DLG2: variants seen among roughly 807,000 people sequenced by gnomAD.
The protein encoded by DLG2 is discs large MAGUK scaffold protein 2.
In DLG2, 45 loss-of-function variants were observed where a neutral mutation model predicts 132.5. The ratio of observed to expected loss-of-function variants is 0.34; its 90% CI spans 0.27 to 0.44. The LOEUF is 0.44. Among genes scored for constraint, DLG2 ranks in the 20% least tolerant of loss-of-function variants. The pLI, the probability that DLG2 is intolerant of heterozygous loss-of-function variation, is 1.00. For synonymous variants in DLG2, 424 were observed against 419.6 expected, an observed-to-expected ratio of 1.01 and a Z score of -0.13; for missense variants, 1,045 against 1,196.9, an observed-to-expected ratio of 0.87 and a Z score of 1.87.
chr11:84,058,355 A>G (rs916689682), intron 11 of DLG2, among the ~76,000 whole-genome samples: 1 of 151,846 alleles, frequency 6.6e-6, no homozygotes, highest in South Asian at 2.1e-4. Flanking sequence ...TCAAAGCATT[A>G]TTCTTAAAAA....
At chr11:85,276,045 T>C (rs568922006) in intron 4 of DLG2, among the ~76,000 whole-genome samples, 2 of 152,158 alleles carry the variant, frequency 1.3e-5, no homozygotes, top group Non-Finnish European at 2.9e-5. Context: ...TTAGACCCAC[T>C]CCAGTGCTAT....
At chr11:85,409,555 A>G (rs769366914) in intron 3 of DLG2, among the ~76,000 whole-genome samples, 3 of 151,932 alleles carry the variant, frequency 2.0e-5, no homozygotes, top group African/African-American at 4.8e-5. Flanking sequence ...AAGGAGTTCA[A>G]TGGATCTTGG....
At chr11:84,369,820 A>C (rs935781760) in intron 7 of DLG2, among the ~76,000 whole-genome samples, 3 of 152,194 alleles carry the variant, frequency 2.0e-5, no homozygotes, top group African/African-American at 7.2e-5. Flanking sequence ...GATATGAAAT[A>C]TGTATTGAGT....
intron 3 of DLG2, among the ~76,000 whole-genome samples, chr11:85,521,230 C>T (rs1001822033): frequency 7.9e-5 from 12 of 152,176 alleles, no homozygotes; most frequent in African/African-American, 2.9e-4. Flanking sequence ...ATGATTCCCC[C>T]ATGCTGTTCT....
At chr11:84,233,782 C>T (rs907786083) in intron 8 of DLG2, among the ~76,000 whole-genome samples, 1 of 152,328 alleles carries the variant, frequency 6.6e-6, no homozygotes, top group African/African-American at 2.4e-5. Flanking sequence ...GAGCTATTCT[C>T]TTTCTTTCGC....
chr11:84,225,325 G>A (rs1308286847), intron 8 of DLG2, among the ~76,000 whole-genome samples: 1 of 152,130 alleles, frequency 6.6e-6, no homozygotes, highest in African/African-American at 2.4e-5. Flanking sequence ...CACACATACT[G>A]TACAACAGAG....
chr11:84,231,644 T>C (rs1277407404), intron 8 of DLG2, among the ~76,000 whole-genome samples: 1 of 152,086 alleles, frequency 6.6e-6, no homozygotes, highest in Non-Finnish European at 1.5e-5. Flanking sequence ...TGGAGGAAGA[T>C]AAGGCACCAG....
At chr11:85,050,033 A>C (rs2062744295) in intron 6 of DLG2, among the ~76,000 whole-genome samples, 1 of 151,654 alleles carries the variant, frequency 6.6e-6, no homozygotes, top group African/African-American at 2.4e-5. Flanking sequence ...CTAGATGTCC[A>C]GTCTTTCCAA....
intron 4 of DLG2, among the ~76,000 whole-genome samples, chr11:85,158,451 G>A (rs565067350): frequency 6.6e-6 from 1 of 152,256 alleles, no homozygotes; most frequent in Admixed American, 6.5e-5. Flanking sequence ...AGATTGGGAT[G>A]GTGGAGTGGA....
chr11:83,922,771 G>A (rs1250864496), intron 15 of DLG2, among the ~76,000 whole-genome samples: 1 of 152,058 alleles, frequency 6.6e-6, no homozygotes, highest in Admixed American at 6.6e-5. Flanking sequence ...CTTGGGTACA[G>A]CCCAGATTCC....
chr11:83,560,846 T>TC (rs369297759), intron 19 of DLG2, among the ~76,000 whole-genome samples: 4 of 151,898 alleles, frequency 2.6e-5, no homozygotes, highest in Admixed American at 6.6e-5. Flanking sequence ...TAAATCATTT[T>TC]CCCCCTGTGT....
At chr11:84,524,390 G>A (rs769527052) in intron 7 of DLG2, among the ~76,000 whole-genome samples, 2 of 152,180 alleles carry the variant, frequency 1.3e-5, no homozygotes, top group African/African-American at 2.4e-5. Flanking sequence ...AAAGATAATT[G>A]AGGAAAGGAA....
intron 18 of DLG2, chr11:83,692,782 A>C (rs1215509660): frequency 6.6e-6 from 1 of 152,222 alleles, no homozygotes; most frequent in East Asian, 1.9e-4. Flanking sequence ...CCTAGAGCAC[A>C]AAACTAGACT....
chr11:85,171,344 G>T (rs1472641680), intron 4 of DLG2, among the ~76,000 whole-genome samples: 1 of 152,148 alleles, frequency 6.6e-6, no homozygotes, highest in Admixed American at 6.5e-5. Flanking sequence ...GGGAGGTGGT[G>T]AGTGATTATG....
chr11:84,685,687 T>C (rs888410622), intron 6 of DLG2, among the ~76,000 whole-genome samples: 2 of 151,964 alleles, frequency 1.3e-5, no homozygotes, highest in African/African-American at 4.8e-5. Context: ...TTCAAAGTAA[T>C]ATTTTGCTCT....
At chr11:84,268,070 G>A (rs1361348132) in intron 7 of DLG2, among the ~76,000 whole-genome samples, 1 of 152,200 alleles carries the variant, frequency 6.6e-6, no homozygotes, top group African/African-American at 2.4e-5. Context: ...ACAAGTTGGA[G>A]AAAGTTAGTA....
intron 6 of DLG2, among the ~76,000 whole-genome samples, chr11:84,742,947 T>C (rs2064877260): frequency 6.6e-6 from 1 of 152,180 alleles, no homozygotes; most frequent in African/African-American, 2.4e-5. Context: ...AGTTTTTACC[T>C]ATTATGAATA....
chr11:84,117,587 C>T (rs1357383487), intron 9 of DLG2, among the ~76,000 whole-genome samples: 1 of 152,116 alleles, frequency 6.6e-6, no homozygotes, highest in Non-Finnish European at 1.5e-5. Context: ...CTCTGTGAGG[C>T]TTGTGTGACT....
At chr11:84,690,465 A>G (rs1025478097) in intron 6 of DLG2, among the ~76,000 whole-genome samples, 23 of 151,782 alleles carry the variant, frequency 1.5e-4, no homozygotes, top group African/African-American at 5.6e-4. Flanking sequence ...AAAAAAAAAG[A>G]AAAAGAAAAG....
Sources: allele counts gnomAD v4.1 joint callset (sites outside exome capture counted in the v4.1 genomes callset), GRCh38; gene constraint gnomAD v4.1.1; transcripts MANE v1.5; gene names NCBI Gene and HGNC (gene_info 2026-07-23, HGNC 2026-07-21).